TPD52: variants seen among roughly 807,000 people sequenced by gnomAD.
TPD52 encodes tumor protein D52, also known as prostate and colon associated protein.
TPD52 carries 17 observed loss-of-function variants against 31.3 expected under a neutral mutation model. That is an observed-to-expected ratio of 0.54 (90% CI 0.37 to 0.82). The LOEUF is 0.82. TPD52 is among the 40% of genes least tolerant of loss of function. TPD52 has a pLI of 0.00. For missense variants in TPD52, 212 were observed against 240.1 expected (o/e 0.88, Z 0.77); for synonymous variants, 83 against 89.6 (o/e 0.93, Z 0.42).
At chr8:80,111,081 G>A (rs912026407) in intron 1 of TPD52, among the ~76,000 whole-genome samples, 4 of 152,146 alleles carry the variant, frequency 2.6e-5, no homozygotes, top group Admixed American at 2.6e-4. Flanking sequence ...GCATCGTGAT[G>A]TGCACATGTA....
intron 5 of TPD52, among the ~76,000 whole-genome samples, chr8:80,050,113 C>T (rs1440832733): frequency 6.6e-6 from 1 of 152,084 alleles, no homozygotes; most frequent in Non-Finnish European, 1.5e-5. Flanking sequence ...AGCATCAAAA[C>T]AAACAAAGTC....
chr8:80,163,679 G>A (rs1046616468), intron 1 of TPD52, among the ~76,000 whole-genome samples: 1 of 152,148 alleles, frequency 6.6e-6, no homozygotes, highest in African/African-American at 2.4e-5. Flanking sequence ...ATGAGATTCA[G>A]TAACAGGCAT....
intron 1 of TPD52, among the ~76,000 whole-genome samples, chr8:80,120,316 C>G (rs10102759): frequency 0.16 from 25,037 of 152,112 alleles, 3,327 homozygotes; most frequent in African/African-American, 0.36. Flanking sequence ...CGGCAAAACC[C>G]TGTCTCTACT....
At chr8:80,115,692 T>G (rs751802782) in intron 1 of TPD52, among the ~76,000 whole-genome samples, 1 of 152,226 alleles carries the variant, frequency 6.6e-6, no homozygotes, top group Non-Finnish European at 1.5e-5. Flanking sequence ...TTTCTTATTC[T>G]CTATGAATTC....
chr8:80,055,533 A>G (rs1439565138), intron 2 of TPD52, among the ~76,000 whole-genome samples: 1 of 152,232 alleles, frequency 6.6e-6, no homozygotes, highest in Non-Finnish European at 1.5e-5. Context: ...CCTCAGAAAC[A>G]CAGGCAACAA....
At chr8:80,044,648 A>G (rs1014826741) in intron 5 of TPD52, among the ~76,000 whole-genome samples, 2 of 152,098 alleles carry the variant, frequency 1.3e-5, no homozygotes, top group African/African-American at 4.8e-5. Context: ...TAGTAAGACA[A>G]GGAGGCAACT....
chr8:80,093,374 A>AG (rs1262028670), intron 1 of TPD52, among the ~76,000 whole-genome samples: 1 of 152,064 alleles, frequency 6.6e-6, no homozygotes, highest in East Asian at 1.9e-4. Flanking sequence ...ACAGCTCTAC[A>AG]GGGGTGCATA....
chr8:80,099,282 T>G (rs1806554602), intron 1 of TPD52, among the ~76,000 whole-genome samples: 1 of 152,172 alleles, frequency 6.6e-6, no homozygotes, highest in Admixed American at 6.6e-5. Flanking sequence ...ATAACGGCCC[T>G]ATTATAATAT....
chr8:80,123,020 G>C (rs1353828608), intron 1 of TPD52: 1 of 152,374 alleles, frequency 6.6e-6, no homozygotes, highest in Non-Finnish European at 1.5e-5. Flanking sequence ...AAGAAAGCCG[G>C]AACTGCAAGC....
intron 1 of TPD52, among the ~76,000 whole-genome samples, chr8:80,075,944 T>C (rs1321196587): frequency 1.3e-5 from 2 of 152,148 alleles, no homozygotes; most frequent in African/African-American, 4.8e-5. Flanking sequence ...TCAAAAAGGG[T>C]AAAACAGAAT....
intron 1 of TPD52, among the ~76,000 whole-genome samples, chr8:80,108,753 G>A (rs190203096): frequency 6.6e-6 from 1 of 152,166 alleles, no homozygotes; most frequent in Non-Finnish European, 1.5e-5. Context: ...AATAACTGAT[G>A]AAAATAATGT....
At chr8:80,067,698 T>C (rs1437692390) in intron 1 of TPD52, among the ~76,000 whole-genome samples, 3 of 151,972 alleles carry the variant, frequency 2.0e-5, no homozygotes, top group East Asian at 3.9e-4. Context: ...ACATCACTGA[T>C]CTGAAAACAA....
At chr8:80,112,982 G>A (rs1807605611) in intron 1 of TPD52, among the ~76,000 whole-genome samples, 2 of 152,102 alleles carry the variant, frequency 1.3e-5, no homozygotes, top group African/African-American at 4.8e-5. Context: ...TAGCCTGAAG[G>A]TAAACTTATA....
intron 1 of TPD52, among the ~76,000 whole-genome samples, chr8:80,142,829 T>G (rs1328300154): frequency 6.6e-6 from 1 of 152,196 alleles, no homozygotes; most frequent in Non-Finnish European, 1.5e-5. Context: ...AACTCTGACT[T>G]GACGACACTG....
intron 1 of TPD52, among the ~76,000 whole-genome samples, chr8:80,081,705 T>C (rs1195255478): frequency 7.2e-6 from 1 of 139,608 alleles, no homozygotes; most frequent in Non-Finnish European, 1.5e-5. Context: ...TGGTCTGTAT[T>C]CATCTTGTGA....
At position 80,044,186 on chromosome 8, in the gene TPD52, T is replaced by C. The variant is rs200991219; in HGVS notation, c.436A>G (p.Ile146Val). 3.7e-4 allele frequency: 586 copies of C among 1,587,926 alleles called. 3 individuals are homozygous for C. Among genetic ancestry groups the C allele is most frequent in the Non-Finnish European group, 3.2e-5 (37 of 1,171,680 alleles). Residue 146 changes from isoleucine (I) to valine (V), a missense_variant, in exon 6 of 8, where the codon ATT (isoleucine) becomes GTT (valine). Transcript: ENST00000518937. Reference protein sequence around the residue: ...SFSIRSIQHSISMPAMRNSPT... With the variant: ...SFSIRSIQHSVSMPAMRNSPT... ...CTTTACCTCATAGCAGGCATGCTAATTGAATGCTGAATGGAACGTATACTA... is the reference window on the plus strand; with the variant it reads ...CTTTACCTCATAGCAGGCATGCTAACTGAATGCTGAATGGAACGTATACTA...
chr8:80,074,247 T>G (rs974119947), intron 1 of TPD52, among the ~76,000 whole-genome samples: 1 of 152,208 alleles, frequency 6.6e-6, no homozygotes, highest in Non-Finnish European at 1.5e-5. Flanking sequence ...TGCATCCCCC[T>G]TTTTAAACCT....
intron 1 of TPD52, among the ~76,000 whole-genome samples, chr8:80,167,483 T>G (rs1437395511): frequency 6.6e-6 from 1 of 152,146 alleles, no homozygotes; most frequent in Admixed American, 6.5e-5. Context: ...GCCTGCCACA[T>G]AAAAATAAAT....
intron 4 of TPD52, 123 bp downstream of exon 4, chr8:80,051,404 C>A (rs952607088): frequency 2.4e-6 from 2 of 841,070 alleles, no homozygotes; most frequent in Admixed American, 2.1e-5. Flanking sequence ...GAAGGAGTGC[C>A]CTCCCTCACT....
Sources: allele counts gnomAD v4.1 joint callset (sites outside exome capture counted in the v4.1 genomes callset), GRCh38; gene constraint gnomAD v4.1.1; transcripts MANE v1.5; gene names NCBI Gene and HGNC (gene_info 2026-07-23, HGNC 2026-07-21).